BMP2K: variants seen among roughly 807,000 people sequenced by gnomAD.
The protein encoded by BMP2K is BMP2 inducible kinase, also known as BMP-2-inducible protein kinase.
Under a neutral mutation model 116.0 loss-of-function variants are expected in BMP2K, and 74 were observed. The ratio of observed to expected loss-of-function variants is 0.64; its 90% CI spans 0.53 to 0.77. The LOEUF (loss-of-function observed/expected upper bound fraction) is 0.77, where lower values mean the gene tolerates loss of function less well. Ranked by LOEUF, BMP2K falls within the 30% of genes least tolerant of loss-of-function variation. The pLI, the probability that BMP2K is intolerant of heterozygous loss-of-function variation, is 0.00. For synonymous variants in BMP2K, 486 were observed against 502.5 expected (o/e 0.97, Z 0.44); for missense variants, 1,365 against 1,403.6 (o/e 0.97, Z 0.44).
At chr4:78,856,661 G>A (rs1384992780) in intron 7 of BMP2K, among the ~76,000 whole-genome samples, 1 of 151,908 alleles carries the variant, frequency 6.6e-6, no homozygotes, top group Non-Finnish European at 1.5e-5. Context: ...TGGTCCACTG[G>A]AGCTCATCAG....
At chr4:78,790,652 T>C (rs904486148) in intron 1 of BMP2K, among the ~76,000 whole-genome samples, 3 of 152,212 alleles carry the variant, frequency 2.0e-5, no homozygotes, top group Non-Finnish European at 4.4e-5. Flanking sequence ...TTTCAAACTA[T>C]GGAAGTAACA....
intron 2 of BMP2K, among the ~76,000 whole-genome samples, chr4:78,829,408 T>G (rs371585964): frequency 0.02 from 2,994 of 151,890 alleles, 103 homozygotes; most frequent in African/African-American, 0.068. Flanking sequence ...TTTTGTTTTT[T>G]TTTTTTTTTC....
chr4:78,844,912 ATT>A lies in BMP2K; in HGVS notation c.547-13_547-12del. 6.3e-7 allele frequency: 1 copy of A among 1,580,818 alleles called. No individual in the cohort carries two copies. The highest frequency in any genetic ancestry group is 1.1e-5 in the South Asian group (1 of 88,662). On this transcript the variant is annotated splice_polypyrimidine_tract_variant and intron_variant, in intron 4 of 15. Transcript: ENST00000502613. Reference sequence around the variant, plus strand: ...ACTTTGAAAATACTACTCATTATTGATTTTCTTTTCTTAAGGTAGAAAATATT... The same window carrying A: ...ACTTTGAAAATACTACTCATTATTGATTCTTTTCTTAAGGTAGAAAATATT...
intron 2 of BMP2K, among the ~76,000 whole-genome samples, chr4:78,830,994 A>G (rs569166097): frequency 5.3e-5 from 8 of 152,336 alleles, no homozygotes; most frequent in Non-Finnish European, 1.0e-4. Flanking sequence ...CTGGTGTAAT[A>G]AAAGGCTTAG....
chr4:78,777,931 C>G (rs1226439535), intron 1 of BMP2K, among the ~76,000 whole-genome samples: 1 of 152,136 alleles, frequency 6.6e-6, no homozygotes, highest in East Asian at 1.9e-4. Flanking sequence ...TTAGCCGAAA[C>G]TTGGAGAGGT....
chr4:78,816,427 A>G (rs1291558888), intron 1 of BMP2K, among the ~76,000 whole-genome samples: 1 of 152,080 alleles, frequency 6.6e-6, no homozygotes, highest in Non-Finnish European at 1.5e-5. Flanking sequence ...CAATTTTTAA[A>G]TATTCTACTC....
chr4:78,828,322 G>A (rs909644373), intron 2 of BMP2K, among the ~76,000 whole-genome samples: 18 of 152,168 alleles, frequency 1.2e-4, no homozygotes, highest in African/African-American at 4.3e-4. Context: ...TGATGCATAG[G>A]GTATGAGGTA....
intron 9 of BMP2K, among the ~76,000 whole-genome samples, chr4:78,862,862 A>G (rs1056251001): frequency 6.6e-6 from 1 of 152,152 alleles, no homozygotes; most frequent in Non-Finnish European, 1.5e-5. Context: ...GTTGAACAGC[A>G]ATTGGTCTTA....
Position 78,910,839 on chromosome 4 carries a change from T to A in BMP2K, c.2292T>A (p.Val764=). 6.2e-7 allele frequency: 1 copy of A among 1,613,946 alleles called. No homozygotes were observed. Among genetic ancestry groups the A allele is most frequent in the Non-Finnish European group, 8.5e-7 (1 of 1,179,868 alleles). The change falls in exon 16 of 16, where the codon GTT becomes GTA. Residue 764 remains valine (V), a synonymous_variant. Transcript: ENST00000502613. ...AGGAAGAGCAAGATGATGAAGAAGTTCTTCAGGGGGAACAAGGAGATTTTA... is the reference window on the plus strand; with the variant it reads ...AGGAAGAGCAAGATGATGAAGAAGTACTTCAGGGGGAACAAGGAGATTTTA... ...SEEEEQDDEE[V]LQGEQGDFND...
At chr4:78,800,308 G>A (rs898382392) in intron 1 of BMP2K, among the ~76,000 whole-genome samples, 10 of 152,166 alleles carry the variant, frequency 6.6e-5, no homozygotes, top group South Asian at 2.1e-4. Flanking sequence ...CTTGGCACTT[G>A]AGATAGTTAT....
At chr4:78,797,533 C>T (rs953187488) in intron 1 of BMP2K, among the ~76,000 whole-genome samples, 8 of 152,088 alleles carry the variant, frequency 5.3e-5, no homozygotes, top group South Asian at 2.1e-4. Flanking sequence ...CTAGGTAATT[C>T]GGTAGTATTG....
chr4:78,854,872 G>C (rs1731426409), intron 7 of BMP2K, among the ~76,000 whole-genome samples: 1 of 151,800 alleles, frequency 6.6e-6, no homozygotes, highest in African/African-American at 2.4e-5. Flanking sequence ...TCAACTCATG[G>C]CCAATCTTGT....
At position 78,871,023 on chromosome 4, in the gene BMP2K, A is replaced by G; in HGVS notation, c.1472A>G (p.His491Arg). 5 of 1,607,492 alleles carry G rather than the reference A, an allele frequency of 3.1e-6. No homozygotes were observed. The highest frequency in any genetic ancestry group is 3.4e-6 in the Non-Finnish European group (4 of 1,179,942). ...QQQQQQHHHH[H>R]HHHLLQDAYM... ...CAGCAGCAGCAGCACCACCACCACCACCACCACCACCTACTTCAAGATGCT... is the reference window on the plus strand; with the variant it reads ...CAGCAGCAGCAGCACCACCACCACCGCCACCACCACCTACTTCAAGATGCT... Residue 491 changes from histidine to arginine, a missense_variant, in exon 11 of 16, where the codon CAC becomes CGC. His to Arg is a conservative substitution (Grantham distance 29, BLOSUM62 0). Transcript: ENST00000502613.
At chr4:78,872,013 A>C (rs770882892) in intron 12 of BMP2K, 65 bp downstream of exon 12, 5 of 1,141,192 alleles carry the variant, frequency 4.4e-6, no homozygotes, top group Non-Finnish European at 5.1e-6. Context: ...TCACAGTATG[A>C]ATCATATTAT....
At chr4:78,802,623 G>A (rs1728619514) in intron 1 of BMP2K, among the ~76,000 whole-genome samples, 1 of 152,088 alleles carries the variant, frequency 6.6e-6, no homozygotes, top group Non-Finnish European at 1.5e-5. Flanking sequence ...TGTATTTGAT[G>A]TGTTATGAGG....
intron 3 of BMP2K, among the ~76,000 whole-genome samples, chr4:78,842,174 T>C (rs1409605817): frequency 6.6e-6 from 1 of 152,022 alleles, no homozygotes; most frequent in Non-Finnish European, 1.5e-5. Flanking sequence ...AATAAGACAT[T>C]TATCTATTTT....
At chr4:78,871,977 C>T (rs756137055) in intron 12 of BMP2K, 29 bp downstream of exon 12, 2 of 1,465,000 alleles carry the variant, frequency 1.4e-6, no homozygotes, top group Non-Finnish European at 1.9e-6. Flanking sequence ...AGAGATTTCT[C>T]TGAGTATACA....
chr4:78,780,500 A>G (rs1171843933), intron 1 of BMP2K, among the ~76,000 whole-genome samples: 1 of 152,226 alleles, frequency 6.6e-6, no homozygotes, highest in African/African-American at 2.4e-5. Context: ...TGTACTATAC[A>G]TCTGATTTTG....
At position 78,826,159 on chromosome 4, in the gene BMP2K, A is replaced by T; in HGVS notation, c.297+4A>T. The T allele has an allele frequency of 6.3e-7, 1 of 1,594,146 alleles. No individual in the cohort carries two copies. The highest frequency in any genetic ancestry group is 2.2e-5 in the East Asian group (1 of 44,788). On this transcript the variant is annotated splice_donor_region_variant and intron_variant, in intron 2 of 15. Transcript: ENST00000502613. The stretch of plus-strand genomic sequence containing the variant: ...TAAAAGGGAAATTACAATTATGGTA[A>T]GTGAAGGAGTAGTTCTCTTTCAGAA...
Sources: gnomAD v4.1 joint callset for allele counts (sites outside exome capture counted in the v4.1 genomes callset) on GRCh38, gnomAD v4.1.1 for gene constraint, MANE v1.5 for transcripts, NCBI Gene and HGNC (gene_info 2026-07-23, HGNC 2026-07-21) for gene names.